EFTUD2: variants seen among roughly 807,000 people sequenced by gnomAD.
EFTUD2 encodes the protein 116 kDa U5 small nuclear ribonucleoprotein component.
A neutral mutation model predicts 114.3 loss-of-function variants in EFTUD2; 9 were observed. That is an observed-to-expected ratio of 0.08 (90% CI 0.05 to 0.14). EFTUD2 has a LOEUF of 0.14. EFTUD2 is among the 10% of genes least tolerant of loss of function. The pLI, the probability that EFTUD2 is intolerant of heterozygous loss-of-function variation, is 1.00. For synonymous variants in EFTUD2, 449 were observed against 462.3 expected (o/e 0.97, Z 0.37); for missense variants, 765 against 1,241.2 (o/e 0.62, Z 5.76).
In EFTUD2 at chr17:44,875,917, T is replaced by G; in HGVS notation, c.869+17A>C. On this transcript the variant is annotated intron_variant, in intron 10 of 27. Coordinates refer to ENST00000426333, the MANE Select transcript of EFTUD2 (RefSeq NM_004247.4). ...GAGCCTCCGAGGACAGGAAATCCAC[T>G]CCCAGGGGTTTTCTACCTTATTAAT... 5 of 1,610,108 alleles carry G rather than the reference T, an allele frequency of 3.1e-6. No homozygotes were observed. Among genetic ancestry groups the G allele is most frequent in the Non-Finnish European group, 4.2e-6 (5 of 1,177,300 alleles).
At position 44,863,108 on chromosome 17, in the gene EFTUD2, CT is replaced by C. The variant is rs35450462; in HGVS notation, c.1414-203del. 0.093 allele frequency: 24,386 copies of C among 262,554 alleles called. No homozygotes were observed. The highest frequency in any genetic ancestry group is 0.14 in the East Asian group (2,474 of 17,580). 16.3% of individuals were successfully genotyped at this position (262,554 alleles called of 1,614,324 possible). On this transcript the variant is annotated intron_variant, in intron 15 of 27. Transcript: ENST00000426333. ...CATGGCAGAGCAAAAATATTCTCCT[CT>C]TTTTTTTTTTTTGGGAGGATAAGGG...
At chr17:44,877,080 C>T (rs1182950062) in intron 9 of EFTUD2, among the ~76,000 whole-genome samples, 1 of 151,998 alleles carries the variant, frequency 6.6e-6, no homozygotes, top group African/African-American at 2.4e-5. Context: ...CCTGTAGTCC[C>T]AGCTATTTGG....
intron 1 of EFTUD2, among the ~76,000 whole-genome samples, chr17:44,896,943 G>A (rs2145588731): frequency 6.6e-6 from 1 of 152,166 alleles, no homozygotes; most frequent in South Asian, 2.1e-4. Context: ...CCAGCTGGGT[G>A]CAGTGGCTCA....
At chr17:44,868,468 A>G in intron 11 of EFTUD2, 118 bp from the exon 12 acceptor site, 1 of 907,978 alleles carries the variant, frequency 1.1e-6, no homozygotes, top group Non-Finnish European at 1.7e-6. Flanking sequence ...TCCAGGGTCC[A>G]GGCAGTTCCT....
chr17:44,879,490 G>A, intron 9 of EFTUD2, 66 bp downstream of exon 9: 1 of 1,510,058 alleles, frequency 6.6e-7, no homozygotes, highest in Non-Finnish European at 9.2e-7. Flanking sequence ...AGTGCTCTGG[G>A]TATTGTTGCG....
At chr17:44,894,342 C>A (rs2051337971) in intron 2 of EFTUD2, 75 bp downstream of exon 2, 24 of 1,302,914 alleles carry the variant, frequency 1.8e-5, no homozygotes, top group African/African-American at 2.9e-5. Context: ...TGCACTCCAA[C>A]CTGGCAAGAG....
intron 5 of EFTUD2, 114 bp downstream of exon 5, chr17:44,883,535 T>G (rs2051110937): frequency 1.0e-6 from 1 of 980,020 alleles, no homozygotes; most frequent in African/African-American, 1.6e-5. Context: ...GCACCCCTAG[T>G]CAGGAGGTTG....
rs777888767 is a variant in EFTUD2 at position 44,875,961 on chromosome 17, A to G, written c.842T>C (p.Ile281Thr). ...TATTAATCCATTGACCTCATCCACAATGTGGCGCAGCTTGTAATAAGCATC... is the reference window on the plus strand; with the variant it reads ...TATTAATCCATTGACCTCATCCACAGTGTGGCGCAGCTTGTAATAAGCATC... ...PTDAYYKLRH[I>T]VDEVNGLISM... The change falls in exon 10 of 28, where the codon ATT (isoleucine) becomes ACT (threonine). Residue 281 changes from isoleucine to threonine, a missense_variant. Around this residue, in one of 6 missense-constraint regions of EFTUD2, gnomAD observed 251 missense variants for 357.7 expected, o/e 0.70. Transcript: ENST00000426333. 3.7e-6 allele frequency: 6 copies of G among 1,614,000 alleles called. No individual in the cohort carries two copies. The highest frequency in any genetic ancestry group is 1.7e-5 in the Admixed American group (1 of 60,018).
At chr17:44,883,899 A>C in intron 4 of EFTUD2, 175 bp from the exon 5 acceptor site, 1 of 620,278 alleles carries the variant, frequency 1.6e-6, no homozygotes, top group Non-Finnish European at 2.9e-6. Context: ...GAATGCAAGA[A>C]ACTTATCCAA....
At chr17:44,851,639 AAGAG>A (rs546462147) in intron 27 of EFTUD2, 67 bp downstream of exon 27, 4 of 1,414,980 alleles carry the variant, frequency 2.8e-6, no homozygotes, top group African/African-American at 2.9e-5. Flanking sequence ...GGCCAAAAGA[AAGAG>A]AGAGAGATCC....
rs1270538861 is a variant in EFTUD2 at position 44,850,727 on chromosome 17, A to T, written c.*547T>A. On this transcript the variant is annotated 3_prime_UTR_variant, in exon 28 of 28. Coordinates refer to ENST00000426333, the MANE Select transcript of EFTUD2 (RefSeq NM_004247.4). Reference sequence around the variant, plus strand: ...ATGGAGTGGGAGCAAGGGGGCAATAATGGGGCCTTGGCGCTCATGGGAACA... The same window carrying T: ...ATGGAGTGGGAGCAAGGGGGCAATATTGGGGCCTTGGCGCTCATGGGAACA... 7.9e-6 allele frequency: 2 copies of T among 253,376 alleles called. No individual in the cohort carries two copies. Among genetic ancestry groups the T allele is most frequent in the African/African-American group, 4.4e-5 (2 of 45,886 alleles). The allele number at this position is 253,376 out of a possible 1,614,324, so 15.7% of individuals were successfully genotyped here.
intron 6 of EFTUD2, 36 bp from the exon 7 acceptor site, chr17:44,881,758 G>C (rs1486096078): frequency 6.2e-7 from 1 of 1,607,132 alleles, no homozygotes; most frequent in African/African-American, 1.3e-5. Context: ...CACCTGAGTT[G>C]AGACTGCTCT....
intron 16 of EFTUD2, among the ~76,000 whole-genome samples, chr17:44,860,859 A>G (rs1443380496): frequency 6.6e-6 from 1 of 152,046 alleles, no homozygotes. Flanking sequence ...TCAGCCTTCC[A>G]AAGTGCTAGG....
chr17:44,890,303 A>G (rs924335824), intron 2 of EFTUD2, among the ~76,000 whole-genome samples: 3 of 151,596 alleles, frequency 2.0e-5, no homozygotes, highest in African/African-American at 4.8e-5. Flanking sequence ...TACAGGCATG[A>G]GCCAACGCAC....
At chr17:44,879,471 A>G in intron 9 of EFTUD2, 85 bp downstream of exon 9, 11 of 1,367,172 alleles carry the variant, frequency 8.0e-6, no homozygotes, top group Non-Finnish European at 1.1e-5. Context: ...TCTGGCTCCC[A>G]GCTCACTCAG....
chr17:44,873,734 T>G (rs1175137726), intron 10 of EFTUD2, among the ~76,000 whole-genome samples: 1 of 143,424 alleles, frequency 7.0e-6, no homozygotes, highest in Non-Finnish European at 1.5e-5. Flanking sequence ...ACTTCCTACT[T>G]TTTTTTTTTT....
rs368009073 is a variant in EFTUD2 at position 44,862,885 on chromosome 17, T to C, written c.1435A>G (p.Thr479Ala). Residue 479 changes from threonine (T) to alanine (A), a missense_variant, in exon 16 of 28, where the codon ACT becomes GCT. Thr to Ala is a moderately conservative substitution (Grantham distance 58, BLOSUM62 0). Transcript: ENST00000426333. ...DPDGPLMCHT[T>A]KMYSTDDGVQ... ...CCATCATCTGTGCTGTACATCTTAGTAGTGTGGCACATCAGGGGGCCCTGG... is the reference window on the plus strand; with the variant it reads ...CCATCATCTGTGCTGTACATCTTAGCAGTGTGGCACATCAGGGGGCCCTGG... 7.4e-6 allele frequency: 12 copies of C among 1,611,616 alleles called. No individual in the cohort carries two copies. In the African/African-American group the frequency reaches 1.1e-4, roughly 14 times the overall value.
At chr17:44,875,296 C>T (rs1029292814) in intron 10 of EFTUD2, among the ~76,000 whole-genome samples, 11 of 151,976 alleles carry the variant, frequency 7.2e-5, no homozygotes, top group Admixed American at 3.3e-4. Flanking sequence ...TTTGGGAGGC[C>T]GAGGTGGGCG....
chr17:44,899,331 G>A (rs2051468104), intron 1 of EFTUD2, 38 bp downstream of exon 1: 1 of 152,240 alleles, frequency 6.6e-6, no homozygotes, highest in Non-Finnish European at 1.5e-5. Context: ...ATCCCACCTG[G>A]AGCAACCCTT....
Sources: gnomAD v4.1 joint callset for allele counts (sites outside exome capture counted in the v4.1 genomes callset) on GRCh38, gnomAD v4.1.1 for gene constraint, gnomAD v4.1.1 regional missense constraint, MANE v1.5 for transcripts, NCBI Gene and HGNC (gene_info 2026-07-23, HGNC 2026-07-21) for gene names.